The following RAB7A variants were observed in gnomAD, a reference collection of about 807,000 sequenced individuals.
RAB7A encodes the protein RAB7A, member RAS oncogene family.
RAB7A carries 2 observed loss-of-function variants against 24.5 expected under a neutral mutation model. That is an observed-to-expected ratio of 0.08 (90% CI 0.03 to 0.26). RAB7A has a LOEUF of 0.26. RAB7A is among the 10% of genes least tolerant of loss of function. The pLI is 1.00. For missense variants in RAB7A, 118 were observed against 255.7 expected, an observed-to-expected ratio of 0.46 and a Z score of 3.67; for synonymous variants, 100 against 95.9, an observed-to-expected ratio of 1.04 and a Z score of -0.25.
At chr3:128,779,559 A>G (rs894667247) in intron 1 of RAB7A, among the ~76,000 whole-genome samples, 2 of 136,474 alleles carry the variant, frequency 1.5e-5, no homozygotes, top group African/African-American at 5.4e-5. Context: ...ACTGGGTTGT[A>G]GCAGAGAAAG....
chr3:128,756,883 A>T (rs558837759), intron 1 of RAB7A, among the ~76,000 whole-genome samples: 3 of 144,984 alleles, frequency 2.1e-5, no homozygotes, highest in African/African-American at 7.8e-5. Flanking sequence ...GCGCTCTGTC[A>T]CCCACGCTGG....
At chr3:128,796,228 T>C (rs905625083) in intron 2 of RAB7A, among the ~76,000 whole-genome samples, 4 of 152,132 alleles carry the variant, frequency 2.6e-5, no homozygotes, top group Non-Finnish European at 4.4e-5. Context: ...AGGTGGCTTA[T>C]GCCCATAATC....
At chr3:128,746,779 T>G (rs1455634792) in intron 1 of RAB7A, among the ~76,000 whole-genome samples, 1 of 150,478 alleles carries the variant, frequency 6.6e-6, no homozygotes, top group Non-Finnish European at 1.5e-5. Context: ...TCCACCCGCC[T>G]TGGCCTCCCG....
intron 1 of RAB7A, among the ~76,000 whole-genome samples, chr3:128,786,610 A>G (rs1198548114): frequency 2.6e-5 from 4 of 152,148 alleles, no homozygotes; most frequent in South Asian, 2.1e-4. Context: ...TTACTTTGGA[A>G]TCTGCTCAGA....
intron 1 of RAB7A, among the ~76,000 whole-genome samples, chr3:128,791,185 A>G (rs1160087714): frequency 6.6e-6 from 1 of 151,930 alleles, no homozygotes; most frequent in African/African-American, 2.4e-5. Context: ...CTTGTTGCCC[A>G]GGCTGGAGTG....
At chr3:128,776,197 C>T (rs1003923020) in intron 1 of RAB7A, among the ~76,000 whole-genome samples, 1 of 152,162 alleles carries the variant, frequency 6.6e-6, no homozygotes, top group African/African-American at 2.4e-5. Context: ...GGTTCATCCT[C>T]GTTGTGGCAA....
chr3:128,813,631 A>G lies in RAB7A; in HGVS notation c.*209A>G. ...CACACACACACACAGATCTGACGTA[A>G]TCAAACTCCAGCCCTTGCCCGTGAT... On this transcript the variant is annotated 3_prime_UTR_variant, in exon 6 of 6. Coordinates refer to ENST00000265062, the MANE Select transcript of RAB7A (RefSeq NM_004637.6). The G allele has an allele frequency of 1.7e-6, 1 of 599,840 alleles. No individual in the cohort carries two copies. The allele number at this position is 599,840 out of a possible 1,614,324, so 37.2% of individuals were successfully genotyped here.
intron 1 of RAB7A, among the ~76,000 whole-genome samples, chr3:128,745,538 G>A (rs986740631): frequency 6.6e-6 from 1 of 152,036 alleles, no homozygotes; most frequent in Non-Finnish European, 1.5e-5. Context: ...ACTAATTTTT[G>A]TATTTTTAGT....
intron 1 of RAB7A, among the ~76,000 whole-genome samples, chr3:128,768,036 A>T (rs1439679381): frequency 6.6e-6 from 1 of 152,044 alleles, no homozygotes; most frequent in Non-Finnish European, 1.5e-5. Flanking sequence ...CAAATCCATT[A>T]CCCTGAAGTA....
intron 1 of RAB7A, among the ~76,000 whole-genome samples, chr3:128,792,510 G>A (rs551231954): frequency 1.3e-5 from 2 of 151,766 alleles, no homozygotes; most frequent in East Asian, 3.9e-4. Context: ...GGATTTAATC[G>A]ATTCTCCTGC....
chr3:128,777,116 G>A (rs1933113412), intron 1 of RAB7A, among the ~76,000 whole-genome samples: 1 of 152,072 alleles, frequency 6.6e-6, no homozygotes, highest in Admixed American at 6.6e-5. Flanking sequence ...AGGGTATTAA[G>A]CCCTTATCAG....
intron 1 of RAB7A, among the ~76,000 whole-genome samples, chr3:128,766,827 A>G (rs2070836144): frequency 6.6e-6 from 1 of 152,200 alleles, no homozygotes; most frequent in Non-Finnish European, 1.5e-5. Flanking sequence ...GGCATGAGCC[A>G]TCGTGCCTGG....
intron 1 of RAB7A, among the ~76,000 whole-genome samples, chr3:128,741,511 T>G (rs1302964053): frequency 6.6e-6 from 1 of 152,174 alleles, no homozygotes; most frequent in East Asian, 1.9e-4. Context: ...ACACAGTATA[T>G]TTCCTACTTC....
At chr3:128,810,629 T>C (rs1933903166) in intron 5 of RAB7A, among the ~76,000 whole-genome samples, 4 of 137,566 alleles carry the variant, frequency 2.9e-5, no homozygotes, top group Admixed American at 2.8e-4. Flanking sequence ...GTGTCACCTC[T>C]TCTTATAAGG....
intron 1 of RAB7A, among the ~76,000 whole-genome samples, chr3:128,788,607 C>T (rs1933390228): frequency 6.6e-6 from 1 of 152,200 alleles, no homozygotes; most frequent in Admixed American, 6.5e-5. Context: ...CTATACTTTG[C>T]TTTCAATTCC....
At chr3:128,786,979 G>A (rs902403334) in intron 1 of RAB7A, among the ~76,000 whole-genome samples, 1 of 152,194 alleles carries the variant, frequency 6.6e-6, no homozygotes, top group African/African-American at 2.4e-5. Flanking sequence ...AAGATGCAAA[G>A]TTATACATGG....
chr3:128,763,208 A>ATATATATATATATATTTTTTT (rs373993932), intron 1 of RAB7A, among the ~76,000 whole-genome samples: 1 of 76,108 alleles, frequency 1.3e-5, no homozygotes. Context: ...ATATATATAT[A>ATATATATATATATATTTTTTT]TTTTTTTTTT....
intron 2 of RAB7A, 78 bp downstream of exon 2, chr3:128,795,498 C>A: frequency 7.4e-7 from 1 of 1,344,666 alleles, no homozygotes; most frequent in Non-Finnish European, 1.1e-6. Context: ...ACTGTCCGTG[C>A]TGCCACTTCT....
intron 1 of RAB7A, among the ~76,000 whole-genome samples, chr3:128,735,354 T>A (rs2070480773): frequency 7.1e-6 from 1 of 140,904 alleles, no homozygotes; most frequent in African/African-American, 3.0e-5. Context: ...CAGATCCTGG[T>A]AGGGAGGGCA....
Sources: gnomAD v4.1 joint callset for allele counts (sites outside exome capture counted in the v4.1 genomes callset) on GRCh38, gnomAD v4.1.1 for gene constraint, MANE v1.5 for transcripts, NCBI Gene and HGNC (gene_info 2026-07-23, HGNC 2026-07-21) for gene names.